Variants in FPR3 observed in about 807,000 individuals in gnomAD.
FPR3 encodes the protein formyl peptide receptor 3, also known as N-formyl peptide receptor 3.
For missense variants in FPR3, 346 were observed against 443.2 expected, an observed-to-expected ratio of 0.78 and a Z score of 1.97; for synonymous variants, 135 against 163.6, an observed-to-expected ratio of 0.83 and a Z score of 1.34.
Position 51,823,726 on chromosome 19 carries a change from T to C in FPR3, c.-10-13T>C. On this transcript the variant is annotated splice_polypyrimidine_tract_variant and intron_variant, in intron 1 of 1. Coordinates refer to ENST00000339223, the MANE Select transcript of FPR3 (RefSeq NM_002030.5). ...GTCACAGCTGAGAAATGGCCATTGC[T>C]GAAATGTTTCAGGTGTGGGAAGATG... 6.5e-7 allele frequency: 1 copy of C among 1,544,962 alleles called. No individual in the cohort carries two copies. Among genetic ancestry groups the C allele is most frequent in the East Asian group, 2.3e-5 (1 of 44,262 alleles).
Position 51,825,837 on chromosome 19 carries a change from G to A in FPR3, c.*1027G>A, listed in dbSNP as rs189720069. 1,547 of 167,174 alleles carry A rather than the reference G, an allele frequency of 9.3e-3. 14 individuals are homozygous for A. The highest frequency in any genetic ancestry group is 0.018 in the Admixed American group (269 of 15,300). The allele number at this position is 167,174 out of a possible 1,614,324, so 10.4% of individuals were successfully genotyped here. A position where few individuals can be genotyped will look rare whatever the true frequency, so the allele number is the denominator to read the frequency against. ...ATATCCTGAGACTAAGTGGAAGTGGGAAAAGAGTACAAGAGAAGAGACAAA... is the reference window on the plus strand; with the variant it reads ...ATATCCTGAGACTAAGTGGAAGTGGAAAAAGAGTACAAGAGAAGAGACAAA... On this transcript the variant is annotated 3_prime_UTR_variant, in exon 2 of 2. Transcript: ENST00000339223.
intron 1 of FPR3, among the ~76,000 whole-genome samples, chr19:51,811,069 C>T (rs1014412751): frequency 1.3e-5 from 2 of 150,986 alleles, no homozygotes; most frequent in African/African-American, 4.9e-5. Flanking sequence ...AGTGGGACAA[C>T]AGATTCTTTC....
At chr19:51,815,722 G>A (rs965446408) in intron 1 of FPR3, among the ~76,000 whole-genome samples, 38 of 151,714 alleles carry the variant, frequency 2.5e-4, no homozygotes, top group African/African-American at 7.5e-4. Flanking sequence ...TTAGTCAGGC[G>A]TGGTATCTCA....
At position 51,801,355 on chromosome 19, in the gene FPR3, A is replaced by C. The variant is rs2084025750; in HGVS notation, c.-11+6024A>C. Among the ~76,000 whole-genome samples, 3 of 152,114 alleles carry C rather than the reference A, an allele frequency of 2.0e-5. No individual in the cohort carries two copies. The South Asian group carries it at 6.2e-4, about 31-fold the overall frequency. ...ACATAATATAGAACCAAATTGAAAC[A>C]GTTTTACAATTTGGTTTGACTGGAA... On this transcript the variant is annotated intron_variant, in intron 1 of 1. Coordinates refer to ENST00000339223, the MANE Select transcript of FPR3 (RefSeq NM_002030.5).
chr19:51,798,281 T>C (rs1028007328), intron 1 of FPR3, among the ~76,000 whole-genome samples: 1 of 152,230 alleles, frequency 6.6e-6, no homozygotes, highest in African/African-American at 2.4e-5. Flanking sequence ...TGGTTGTCAC[T>C]CCTGAATGGG....
At chr19:51,815,380 T>A (rs894667415) in intron 1 of FPR3, among the ~76,000 whole-genome samples, 1 of 151,984 alleles carries the variant, frequency 6.6e-6, no homozygotes. Context: ...GCCAACATGA[T>A]GAAACTCTAT....
intron 1 of FPR3, among the ~76,000 whole-genome samples, chr19:51,808,496 C>G (rs2084075417): frequency 6.6e-6 from 1 of 152,178 alleles, no homozygotes; most frequent in Non-Finnish European, 1.5e-5. Flanking sequence ...TATTCCGAGG[C>G]TTCTTTAATG....
chr19:51,818,461 T>A (rs532397601), intron 1 of FPR3, among the ~76,000 whole-genome samples: 2 of 152,032 alleles, frequency 1.3e-5, no homozygotes, highest in East Asian at 3.9e-4. Flanking sequence ...ACTTGTGGAG[T>A]TTGTATATCA....
chr19:51,798,030 C>T (rs1004748614), intron 1 of FPR3, among the ~76,000 whole-genome samples: 2 of 151,750 alleles, frequency 1.3e-5, no homozygotes, highest in Non-Finnish European at 2.9e-5. Flanking sequence ...CTATTTAATC[C>T]TCCCCTGAAA....
rs182664860 is a variant in FPR3 at position 51,806,958 on chromosome 19, C to T, written c.-11+11627C>T. 5.9e-5 allele frequency among the ~76,000 whole-genome samples: 9 copies of T among 152,270 alleles called. No individual in the cohort carries two copies. In the East Asian group the frequency reaches 1.2e-3, roughly 20 times the overall value. ...ATAGGTAGCAATACCTAACATCGGGCGTAGCCAATTAATATCTCCTAATAA... is the reference window on the plus strand; with the variant it reads ...ATAGGTAGCAATACCTAACATCGGGTGTAGCCAATTAATATCTCCTAATAA... On this transcript the variant is annotated intron_variant, in intron 1 of 1. Transcript: ENST00000339223.
intron 1 of FPR3, 41 bp downstream of exon 1, chr19:51,795,372 G>A (rs1344354124): frequency 2.0e-5 from 3 of 152,084 alleles, no homozygotes; most frequent in Admixed American, 1.3e-4. Flanking sequence ...TTGTTGAAAT[G>A]CCTGCTATAT....
chr19:51,796,857 T>C (rs964030455), intron 1 of FPR3, among the ~76,000 whole-genome samples: 3 of 152,170 alleles, frequency 2.0e-5, no homozygotes, highest in Non-Finnish European at 4.4e-5. Flanking sequence ...CAGACTTGAG[T>C]GCCAGGGAGA....
chr19:51,822,385 C>G (rs2084196814), intron 1 of FPR3, among the ~76,000 whole-genome samples: 1 of 152,106 alleles, frequency 6.6e-6, no homozygotes, highest in Non-Finnish European at 1.5e-5. Flanking sequence ...GAGTGAGTAA[C>G]TGAACAAAAT....
chr19:51,796,518 G>A (rs959124222), intron 1 of FPR3, among the ~76,000 whole-genome samples: 1 of 152,184 alleles, frequency 6.6e-6, no homozygotes, highest in African/African-American at 2.4e-5. Flanking sequence ...GGGGCAGCAG[G>A]ACCAGGAAAA....
At chr19:51,805,651 G>A (rs2084053679) in intron 1 of FPR3, among the ~76,000 whole-genome samples, 1 of 152,192 alleles carries the variant, frequency 6.6e-6, no homozygotes, top group East Asian at 1.9e-4. Context: ...ACTTCAGTTT[G>A]TAACTCAGTG....
At chr19:51,796,120 G>C (rs1230469179) in intron 1 of FPR3, among the ~76,000 whole-genome samples, 12 of 152,200 alleles carry the variant, frequency 7.9e-5, no homozygotes, top group African/African-American at 2.4e-4. Context: ...TTTGCAGAGT[G>C]GGTGAGGTGG....
intron 1 of FPR3, among the ~76,000 whole-genome samples, 191 bp downstream of exon 1, chr19:51,795,522 T>C (rs1264955740): frequency 2.4e-5 from 3 of 126,560 alleles, no homozygotes; most frequent in Admixed American, 7.9e-5. Flanking sequence ...TTTTTTTTTT[T>C]TTTTTTTTTT....
intron 1 of FPR3, among the ~76,000 whole-genome samples, chr19:51,795,977 T>C (rs2083996366): frequency 6.6e-6 from 1 of 152,230 alleles, no homozygotes. Flanking sequence ...TGTAGAGATG[T>C]AGCATTGAAG....
chr19:51,822,301 G>C, intron 1 of FPR3, among the ~76,000 whole-genome samples: 1 of 152,194 alleles, frequency 6.6e-6, no homozygotes, highest in South Asian at 2.1e-4. Context: ...CAAAGCAAAA[G>C]GAATTCTAGT....
Sources: allele counts gnomAD v4.1 joint callset (sites outside exome capture counted in the v4.1 genomes callset), GRCh38; gene constraint gnomAD v4.1.1; transcripts MANE v1.5; gene names NCBI Gene and HGNC (gene_info 2026-07-23, HGNC 2026-07-21).